Variants in ERP44 observed in about 807,000 individuals in gnomAD.
ERP44 encodes endoplasmic reticulum protein 44, also known as endoplasmic reticulum resident protein 44.
In ERP44, 25 loss-of-function variants were observed where a neutral mutation model predicts 53.4. The ratio of observed to expected loss-of-function variants is 0.47; its 90% CI spans 0.34 to 0.65. The LOEUF (loss-of-function observed/expected upper bound fraction) is 0.65, where lower values mean the gene tolerates loss of function less well. Ranked by LOEUF, ERP44 falls within the 30% of genes least tolerant of loss-of-function variation. The pLI is 0.01. For missense variants in ERP44, 338 were observed against 493.2 expected, an observed-to-expected ratio of 0.69 and a Z score of 2.98; for synonymous variants, 145 against 161.2, an observed-to-expected ratio of 0.90 and a Z score of 0.76.
At chr9:99,985,118 C>G in intron 10 of ERP44, 49 bp from the exon 11 acceptor site, 1 of 1,276,812 alleles carries the variant, frequency 7.8e-7, no homozygotes, top group African/African-American at 1.5e-5. Context: ...GGACTTATCT[C>G]TATTTTACCA....
chr9:100,055,171 AC>A (rs1826075832), intron 3 of ERP44, among the ~76,000 whole-genome samples: 1 of 152,208 alleles, frequency 6.6e-6, no homozygotes, highest in African/African-American at 2.4e-5. Flanking sequence ...ATTAAAAAAA[AC>A]CTATGTAAAG....
At chr9:100,013,591 C>A (rs1404880294) in intron 8 of ERP44, among the ~76,000 whole-genome samples, 1 of 152,122 alleles carries the variant, frequency 6.6e-6, no homozygotes, top group African/African-American at 2.4e-5. Context: ...ATTAAAACCA[C>A]AATGAGACTC....
intron 4 of ERP44, among the ~76,000 whole-genome samples, chr9:100,030,575 C>T (rs1825773083): frequency 6.6e-6 from 1 of 152,154 alleles, no homozygotes. Context: ...AGAGGCCCCA[C>T]TCAGTAAAGT....
chr9:99,986,563 T>C (rs1830197200), intron 10 of ERP44, among the ~76,000 whole-genome samples: 1 of 152,240 alleles, frequency 6.6e-6, no homozygotes, highest in African/African-American at 2.4e-5. Context: ...AAACAATAGC[T>C]GGCTTGTAGT....
intron 8 of ERP44, among the ~76,000 whole-genome samples, chr9:100,011,286 G>A (rs1306828519): frequency 6.6e-6 from 1 of 152,148 alleles, no homozygotes; most frequent in East Asian, 1.9e-4. Flanking sequence ...AATTGTAGGA[G>A]CAGTATTTTG....
chr9:99,997,010 T>TATGC (rs1554706068), intron 10 of ERP44, among the ~76,000 whole-genome samples: 68 of 151,308 alleles, frequency 4.5e-4, no homozygotes, highest in African/African-American at 1.6e-3. Flanking sequence ...TATATATATA[T>TATGC]GCACATATAC....
At chr9:100,002,959 T>C (rs971044123) in intron 10 of ERP44, among the ~76,000 whole-genome samples, 2 of 152,172 alleles carry the variant, frequency 1.3e-5, no homozygotes, top group African/African-American at 4.8e-5. Flanking sequence ...TTTACTCTTT[T>C]GGTGCTGTCC....
At chr9:99,987,107 A>AT (rs1178266510) in intron 10 of ERP44, among the ~76,000 whole-genome samples, 1 of 152,274 alleles carries the variant, frequency 6.6e-6, no homozygotes, top group South Asian at 2.1e-4. Context: ...TTCCAAGCTG[A>AT]TTTTTTTCCA....
intron 3 of ERP44, among the ~76,000 whole-genome samples, chr9:100,056,944 G>A (rs1040600554): frequency 6.6e-6 from 1 of 152,104 alleles, no homozygotes; most frequent in Non-Finnish European, 1.5e-5. Flanking sequence ...CTTTAAGAAG[G>A]GGTATAAACT....
rs1229653830 is a variant in ERP44, at chr9:100,079,949, A to C, written c.57+18835T>G. Among the ~76,000 whole-genome samples, 10 of 152,030 alleles carry C rather than the reference A, an allele frequency of 6.6e-5. 1 individual carries two copies. The highest frequency in any genetic ancestry group is 4.1e-4 in the South Asian group (2 of 4,824). ...GTGCTGTCTTTAAAAAAAACAAAAA[A>C]AAAAAAAACAGAATCATAAACTTCA... On this transcript the variant is annotated intron_variant, in intron 1 of 11. Coordinates refer to ENST00000262455, the MANE Select transcript of ERP44 (RefSeq NM_015051.3).
intron 10 of ERP44, among the ~76,000 whole-genome samples, chr9:99,992,637 A>C (rs1587955482): frequency 6.6e-6 from 1 of 152,194 alleles, no homozygotes; most frequent in East Asian, 1.9e-4. Flanking sequence ...CACCACTCCT[A>C]TTCAACATAG....
At position 100,059,828 on chromosome 9, in the gene ERP44, T is replaced by C. The variant is rs550862883; in HGVS notation, c.130+272A>G. On this transcript the variant is annotated intron_variant, in intron 2 of 11. Coordinates refer to ENST00000262455, the MANE Select transcript of ERP44 (RefSeq NM_015051.3). ...GTGTCCTAAGGTCATTAACATTTAG[T>C]TCTGCACAGTGAGAACTATTGGTCT... is the stretch of plus-strand genomic sequence containing the variant. Among the ~76,000 whole-genome samples, 4 of 152,304 alleles carry C rather than the reference T, an allele frequency of 2.6e-5. No individual in the cohort carries two copies. In the East Asian group the frequency reaches 7.7e-4, roughly 29 times the overall value.
intron 4 of ERP44, among the ~76,000 whole-genome samples, chr9:100,044,501 C>A (rs1825947261): frequency 6.6e-6 from 1 of 151,758 alleles, no homozygotes; most frequent in African/African-American, 2.4e-5. Flanking sequence ...GACAACCACA[C>A]AGAGAACTGT....
chr9:99,991,966 G>A (rs139305910), intron 10 of ERP44, among the ~76,000 whole-genome samples: 21 of 152,274 alleles, frequency 1.4e-4, no homozygotes, highest in African/African-American at 4.6e-4. Context: ...GGCTAAACCA[G>A]GAAGACGTTG....
chr9:100,097,817 C>T lies in ERP44; in HGVS notation c.57+967G>A, dbSNP rs1826662503. The stretch of plus-strand genomic sequence containing the variant: ...TTTCTAATCCCAGCTCTGCCTGTAA[C>T]TAGCTGTGTGACTTCATATGCGTCA... On this transcript the variant is annotated intron_variant, in intron 1 of 11. Coordinates refer to ENST00000262455, the MANE Select transcript of ERP44 (RefSeq NM_015051.3). Among the ~76,000 whole-genome samples the T allele has an allele frequency of 2.0e-5, 3 of 152,212 alleles. No individual in the cohort carries two copies. The South Asian group carries it at 6.2e-4, about 31-fold the overall frequency.
chr9:99,980,234 C>CCTGA lies in ERP44; in HGVS notation c.*2374_*2377dup, dbSNP rs1397395320. ...CAGTCATTGTTTACATATCCATATGCCTGACTAGGCTGTGAACAACTCTAG... is the reference window on the plus strand; with the variant it reads ...CAGTCATTGTTTACATATCCATATGCCTGACTGACTAGGCTGTGAACAACTCTAG... On this transcript the variant is annotated 3_prime_UTR_variant, in exon 12 of 12. Transcript: ENST00000262455. The CCTGA allele has an allele frequency of 2.5e-6, 1 of 394,920 alleles. No homozygotes were observed. Among genetic ancestry groups the CCTGA allele is most frequent in the Non-Finnish European group, 4.5e-6 (1 of 224,180 alleles). 24.5% of individuals were successfully genotyped at this position (394,920 alleles called of 1,614,324 possible).
intron 4 of ERP44, among the ~76,000 whole-genome samples, chr9:100,036,691 CT>C (rs1332708640): frequency 2.0e-5 from 3 of 152,100 alleles, no homozygotes; most frequent in Non-Finnish European, 4.4e-5. Flanking sequence ...GGATGAAATC[CT>C]GTCATTTGTG....
At chr9:100,062,976 A>G (rs1270279264) in intron 1 of ERP44, among the ~76,000 whole-genome samples, 2 of 150,574 alleles carry the variant, frequency 1.3e-5, no homozygotes, top group Non-Finnish European at 2.9e-5. Flanking sequence ...GGGGAGGCTG[A>G]GGCCACTGGA....
At chr9:100,051,786 T>C (rs1014627455) in intron 4 of ERP44, among the ~76,000 whole-genome samples, 1 of 152,132 alleles carries the variant, frequency 6.6e-6, no homozygotes, top group African/African-American at 2.4e-5. Context: ...AAATCCTTCA[T>C]GTATACGAAA....
Sources: gnomAD v4.1 joint callset for allele counts (sites outside exome capture counted in the v4.1 genomes callset) on GRCh38, gnomAD v4.1.1 for gene constraint, MANE v1.5 for transcripts, NCBI Gene and HGNC (gene_info 2026-07-23, HGNC 2026-07-21) for gene names.